The following MAD1L1 variants were observed in gnomAD, a reference collection of about 807,000 sequenced individuals.
MAD1L1 encodes the protein mitotic spindle assembly checkpoint protein MAD1.
MAD1L1 carries 95 observed loss-of-function variants against 96.9 expected under a neutral mutation model. The observed-to-expected ratio is 0.98, with a 90% CI of 0.83 to 1.16. MAD1L1 has a LOEUF of 1.16. Ranked by LOEUF, MAD1L1 falls within the 50% of genes most tolerant of loss-of-function variation. The probability of loss-of-function intolerance (pLI) is 0.00; values close to 1 mark genes in which losing one functional copy is unlikely to be tolerated. For synonymous variants in MAD1L1, 473 were observed against 396.6 expected (o/e 1.19, Z -2.29); for missense variants, 1,007 against 954.4 (o/e 1.06, Z -0.73).
intron 6 of MAD1L1, 47 bp from the exon 7 acceptor site, chr7:2,218,090 G>C: frequency 6.9e-7 from 1 of 1,443,726 alleles, no homozygotes. Flanking sequence ...CATGCGGCAA[G>C]GCCAACAATT....
chr7:1,967,875 G>A (rs1780235647), intron 15 of MAD1L1, among the ~76,000 whole-genome samples: 1 of 148,224 alleles, frequency 6.7e-6, no homozygotes, highest in African/African-American at 2.6e-5. Flanking sequence ...AAGTTCCGGT[G>A]CGTGCACCAG....
intron 18 of MAD1L1, among the ~76,000 whole-genome samples, chr7:1,855,248 G>A (rs11768541): frequency 0.3 from 45,632 of 151,792 alleles, 7,310 homozygotes; most frequent in East Asian, 0.45. Flanking sequence ...CGGGGCCTGA[G>A]GTCACACCCA....
chr7:1,867,181 T>C (rs1014406256), intron 18 of MAD1L1, among the ~76,000 whole-genome samples: 3 of 152,222 alleles, frequency 2.0e-5, no homozygotes, highest in East Asian at 1.9e-4. Context: ...GCCACAGACA[T>C]GGGCACCGTA....
chr7:2,098,812 C>T lies in MAD1L1; in HGVS notation c.1074-29474G>A, dbSNP rs193255387. ...ACGCCAGGCATCACGCACCAAGGCC[C>T]GGCGTCCCCAGAGGTGGGCCCAAGG... On this transcript the variant is annotated intron_variant, in intron 11 of 18. Transcript: ENST00000265854. Among the ~76,000 whole-genome samples the T allele has an allele frequency of 3.7e-3, 568 of 152,306 alleles. 2 individuals carry two copies. The highest frequency in any genetic ancestry group is 7.2e-3 in the Admixed American group (110 of 15,306).
At chr7:1,861,243 G>A (rs192619023) in intron 18 of MAD1L1, among the ~76,000 whole-genome samples, 1 of 152,194 alleles carries the variant, frequency 6.6e-6, no homozygotes, top group Middle Eastern at 3.2e-3. Flanking sequence ...TGGGTCCGGT[G>A]GGGGCTGGGC....
intron 14 of MAD1L1, among the ~76,000 whole-genome samples, chr7:1,998,016 A>T (rs751225001): frequency 6.6e-6 from 1 of 152,184 alleles, no homozygotes; most frequent in Non-Finnish European, 1.5e-5. Flanking sequence ...CTTGGGGCCC[A>T]GGCATTAGCG....
chr7:2,204,387 T>C (rs545306904), intron 10 of MAD1L1, among the ~76,000 whole-genome samples: 1 of 152,296 alleles, frequency 6.6e-6, no homozygotes, highest in South Asian at 2.1e-4. Flanking sequence ...TGTCATGAGC[T>C]TTGCTGCGTG....
At chr7:1,914,920 TTGAG>T (rs1481734549) in intron 17 of MAD1L1, among the ~76,000 whole-genome samples, 3 of 152,262 alleles carry the variant, frequency 2.0e-5, no homozygotes, top group Non-Finnish European at 4.4e-5. Context: ...CCCTGCTGTG[TTGAG>T]TAACTCAGTC....
intron 17 of MAD1L1, among the ~76,000 whole-genome samples, chr7:1,934,960 CAA>C (rs1778500742): frequency 3.3e-5 from 5 of 151,028 alleles, no homozygotes; most frequent in Non-Finnish European, 5.9e-5. Flanking sequence ...ACCCAGACAA[CAA>C]GGGAACGAAC....
intron 18 of MAD1L1, among the ~76,000 whole-genome samples, chr7:1,894,419 G>A (rs113717234): frequency 0.014 from 2,183 of 152,280 alleles, 58 homozygotes; most frequent in African/African-American, 0.05. Flanking sequence ...GGAGAAGCAC[G>A]GGTGCACCGT....
chr7:1,908,247 G>A (rs751234567), intron 17 of MAD1L1, among the ~76,000 whole-genome samples: 1 of 152,216 alleles, frequency 6.6e-6, no homozygotes, highest in Non-Finnish European at 1.5e-5. Flanking sequence ...CCCTTCAGCA[G>A]GTCCCTGATG....
intron 18 of MAD1L1, among the ~76,000 whole-genome samples, chr7:1,894,779 G>A (rs928345371): frequency 1.3e-5 from 2 of 152,080 alleles, no homozygotes; most frequent in South Asian, 2.1e-4. Flanking sequence ...AGAGTCTGGA[G>A]GAGGAGTGGG....
At chr7:2,139,981 T>A (rs564328117) in intron 11 of MAD1L1, among the ~76,000 whole-genome samples, 6 of 150,582 alleles carry the variant, frequency 4.0e-5, no homozygotes, top group Admixed American at 3.3e-4. Flanking sequence ...TGGTCTACTA[T>A]CTGGACCCCG....
intron 10 of MAD1L1, among the ~76,000 whole-genome samples, chr7:2,189,227 C>T (rs1346644206): frequency 1.3e-5 from 2 of 152,050 alleles, no homozygotes; most frequent in African/African-American, 4.8e-5. Flanking sequence ...CTGATGAGAA[C>T]GTAAAATGGT....
intron 15 of MAD1L1, among the ~76,000 whole-genome samples, chr7:1,970,887 C>T (rs939783627): frequency 4.6e-5 from 7 of 152,150 alleles, no homozygotes; most frequent in Non-Finnish European, 8.8e-5. Flanking sequence ...ATGACCTGCT[C>T]CCCGGATAAG....
intron 15 of MAD1L1, among the ~76,000 whole-genome samples, chr7:1,963,212 T>C (rs967237233): frequency 2.0e-5 from 3 of 152,128 alleles, no homozygotes; most frequent in African/African-American, 4.8e-5. Flanking sequence ...AGGGAACGTA[T>C]AAACTGGTGT....
intron 18 of MAD1L1, among the ~76,000 whole-genome samples, chr7:1,891,320 T>C (rs950503667): frequency 2.0e-5 from 3 of 151,874 alleles, no homozygotes; most frequent in Non-Finnish European, 4.4e-5. Context: ...GGTCAGGAGA[T>C]TGAGACCATC....
intron 14 of MAD1L1, among the ~76,000 whole-genome samples, chr7:1,981,608 C>T (rs1377194076): frequency 3.3e-5 from 5 of 152,166 alleles, no homozygotes; most frequent in East Asian, 1.9e-4. Context: ...CAGCTCACTC[C>T]GTCACGAAGG....
chr7:1,824,753 T>A (rs557444856), intron 18 of MAD1L1, among the ~76,000 whole-genome samples: 1 of 151,984 alleles, frequency 6.6e-6, no homozygotes, highest in Admixed American at 6.5e-5. Context: ...AAGGGGAGAT[T>A]TTTTTTTGTC....
Sources: allele counts gnomAD v4.1 joint callset (sites outside exome capture counted in the v4.1 genomes callset), GRCh38; gene constraint gnomAD v4.1.1; transcripts MANE v1.5; gene names NCBI Gene and HGNC (gene_info 2026-07-23, HGNC 2026-07-21).